CPNE4: variants seen among roughly 807,000 people sequenced by gnomAD.
The protein encoded by CPNE4 is copine-4.
A neutral mutation model predicts 67.9 loss-of-function variants in CPNE4; 25 were observed. The observed-to-expected ratio is 0.37, with a 90% CI of 0.27 to 0.51. The LOEUF (loss-of-function observed/expected upper bound fraction) is 0.51, where lower values mean the gene tolerates loss of function less well. Ranked by LOEUF, CPNE4 falls within the 20% of genes least tolerant of loss-of-function variation. The pLI, the probability that CPNE4 is intolerant of heterozygous loss-of-function variation, is 0.93. For synonymous variants in CPNE4, 242 were observed against 244.9 expected (o/e 0.99, Z 0.11); for missense variants, 464 against 690.8 (o/e 0.67, Z 3.68).
At chr3:131,678,000 T>C (rs1353015472) in intron 6 of CPNE4, among the ~76,000 whole-genome samples, 2 of 152,214 alleles carry the variant, frequency 1.3e-5, no homozygotes, top group African/African-American at 4.8e-5. Context: ...GGAATAGCAT[T>C]GAATGTATAA....
intron 1 of CPNE4, among the ~76,000 whole-genome samples, chr3:131,972,314 C>T (rs796610803): frequency 5.3e-5 from 8 of 152,180 alleles, no homozygotes; most frequent in East Asian, 1.9e-4. Flanking sequence ...GTTCTCTGCC[C>T]GATGAATTCC....
At chr3:131,782,067 T>A (rs1044106843) in intron 2 of CPNE4, among the ~76,000 whole-genome samples, 2 of 152,134 alleles carry the variant, frequency 1.3e-5, no homozygotes, top group Non-Finnish European at 2.9e-5. Context: ...TGGTTACATG[T>A]ATTTTAAAAA....
chr3:132,009,759 A>C (rs1265274887), intron 1 of CPNE4, among the ~76,000 whole-genome samples: 2 of 152,236 alleles, frequency 1.3e-5, no homozygotes, highest in Non-Finnish European at 2.9e-5. Context: ...CTCTCACTTA[A>C]TCAGGACTAA....
chr3:131,605,301 C>A (rs1452060666), intron 7 of CPNE4, among the ~76,000 whole-genome samples: 1 of 151,840 alleles, frequency 6.6e-6, no homozygotes, highest in South Asian at 2.1e-4. Flanking sequence ...ATTTTAGGTG[C>A]AGCTTTGTTA....
At chr3:131,727,957 G>A (rs1201620128) in intron 2 of CPNE4, among the ~76,000 whole-genome samples, 1 of 152,226 alleles carries the variant, frequency 6.6e-6, no homozygotes, top group Non-Finnish European at 1.5e-5. Flanking sequence ...GTCAATTACA[G>A]ATGGACATTT....
chr3:131,841,490 C>T (rs756838253), intron 2 of CPNE4, among the ~76,000 whole-genome samples: 9 of 152,116 alleles, frequency 5.9e-5, no homozygotes, highest in African/African-American at 1.7e-4. Flanking sequence ...AAATCAGTGG[C>T]GGCATTAGAT....
chr3:131,580,237 A>C (rs898665796), intron 9 of CPNE4, among the ~76,000 whole-genome samples: 1 of 152,132 alleles, frequency 6.6e-6, no homozygotes, highest in African/African-American at 2.4e-5. Context: ...TAAAGTACGT[A>C]CATTTTTAGA....
intron 1 of CPNE4, among the ~76,000 whole-genome samples, chr3:131,944,151 T>G (rs978763971): frequency 1.3e-5 from 2 of 152,058 alleles, no homozygotes; most frequent in African/African-American, 4.8e-5. Context: ...TCTAACACTG[T>G]CTTGCAAGGT....
chr3:131,682,800 C>T (rs1159956021), intron 6 of CPNE4, among the ~76,000 whole-genome samples: 1 of 152,012 alleles, frequency 6.6e-6, no homozygotes, highest in African/African-American at 2.4e-5. Context: ...AACCTTAGGA[C>T]TCTACCTCAT....
At chr3:131,970,044 A>G (rs1328610049) in intron 1 of CPNE4, among the ~76,000 whole-genome samples, 1 of 152,208 alleles carries the variant, frequency 6.6e-6, no homozygotes, top group Non-Finnish European at 1.5e-5. Flanking sequence ...GTCCTCTTCC[A>G]GTCAAACTTC....
intron 2 of CPNE4, among the ~76,000 whole-genome samples, chr3:131,830,815 G>A (rs939684851): frequency 6.6e-6 from 1 of 152,084 alleles, no homozygotes; most frequent in African/African-American, 2.4e-5. Context: ...TTAGCATATA[G>A]TAGGTACTGA....
At position 131,846,736 on chromosome 3, in the gene CPNE4, G is replaced by T. The variant is rs570839280; in HGVS notation, c.180+58528C>A. 2.6e-5 allele frequency among the ~76,000 whole-genome samples: 4 copies of T among 152,280 alleles called. No individual in the cohort carries two copies. The East Asian group carries it at 5.8e-4, about 22-fold the overall frequency. Reference sequence around the variant, plus strand: ...GTTTTCTGGTTCAGACCTGAGTAGAGAAACAAGAAAGTATTTCCCTATGTC... The same window carrying T: ...GTTTTCTGGTTCAGACCTGAGTAGATAAACAAGAAAGTATTTCCCTATGTC... On this transcript the variant is annotated intron_variant, in intron 2 of 15. Coordinates refer to ENST00000429747, the MANE Select transcript of CPNE4 (RefSeq NM_130808.3).
At chr3:131,560,162 T>G (rs1246441918) in intron 11 of CPNE4, among the ~76,000 whole-genome samples, 3 of 152,018 alleles carry the variant, frequency 2.0e-5, no homozygotes, top group African/African-American at 4.8e-5. Context: ...TTTATAAAGG[T>G]AGAACCTGTG....
chr3:131,622,018 CA>C (rs34415771), intron 7 of CPNE4, among the ~76,000 whole-genome samples: 5,262 of 58,004 alleles, frequency 0.091, 190 homozygotes, highest in African/African-American at 0.23. Flanking sequence ...GACCCTGTCT[CA>C]AAAAAAAAAA....
chr3:132,028,902 G>C (rs1037390448), intron 1 of CPNE4, among the ~76,000 whole-genome samples: 2 of 149,830 alleles, frequency 1.3e-5, no homozygotes, highest in African/African-American at 4.9e-5. Context: ...TTTGTGTTAA[G>C]TAAAATATAT....
chr3:131,865,748 T>C (rs78623451), intron 2 of CPNE4, among the ~76,000 whole-genome samples: 11,663 of 152,260 alleles, frequency 0.077, 592 homozygotes, highest in East Asian at 0.18. Flanking sequence ...GTGTACAAGT[T>C]GGGCTCTCCA....
intron 2 of CPNE4, among the ~76,000 whole-genome samples, chr3:131,843,440 T>C (rs1265462087): frequency 2.6e-5 from 4 of 152,220 alleles, no homozygotes; most frequent in African/African-American, 7.2e-5. Context: ...GGCAAAGCGA[T>C]ATGGAGCACA....
intron 6 of CPNE4, among the ~76,000 whole-genome samples, chr3:131,677,742 A>C (rs1422314141): frequency 6.6e-6 from 1 of 152,136 alleles, no homozygotes; most frequent in Non-Finnish European, 1.5e-5. Flanking sequence ...AGATAGTTGA[A>C]GGTGGGTGGT....
intron 14 of CPNE4, among the ~76,000 whole-genome samples, chr3:131,544,478 C>T (rs1412095870): frequency 6.6e-6 from 1 of 152,154 alleles, no homozygotes; most frequent in African/African-American, 2.4e-5. Flanking sequence ...GTTCCATGTC[C>T]ATTAACTAAC....
Sources: gnomAD v4.1 joint callset for allele counts (sites outside exome capture counted in the v4.1 genomes callset) on GRCh38, gnomAD v4.1.1 for gene constraint, MANE v1.5 for transcripts, NCBI Gene and HGNC (gene_info 2026-07-23, HGNC 2026-07-21) for gene names.